CTNNA3: variants seen among roughly 807,000 people sequenced by gnomAD.
The protein encoded by CTNNA3 is catenin alpha-3.
In CTNNA3, 76 loss-of-function variants were observed where a neutral mutation model predicts 95.7. The ratio of observed to expected loss-of-function variants is 0.79; its 90% CI spans 0.66 to 0.96. The LOEUF is 0.96. Ranked by LOEUF, CTNNA3 falls within the 40% of genes least tolerant of loss-of-function variation. The pLI, the probability that CTNNA3 is intolerant of heterozygous loss-of-function variation, is 0.00. For synonymous variants in CTNNA3, 431 were observed against 374.4 expected (o/e 1.15, Z -1.74); for missense variants, 1,191 against 1,089.8 (o/e 1.09, Z -1.31).
intron 7 of CTNNA3, among the ~76,000 whole-genome samples, chr10:67,049,214 G>C (rs1174518919): frequency 3.3e-5 from 5 of 152,064 alleles, no homozygotes; most frequent in Admixed American, 3.3e-4. Flanking sequence ...GTAGAAACAG[G>C]AGGCAGGGTC....
At chr10:67,435,353 G>A (rs1305034625) in intron 5 of CTNNA3, among the ~76,000 whole-genome samples, 2 of 151,840 alleles carry the variant, frequency 1.3e-5, no homozygotes, top group African/African-American at 4.8e-5. Context: ...AAAGCCATCT[G>A]TGACAAACCC....
At chr10:66,222,622 A>AAG (rs1554895442) in intron 13 of CTNNA3, among the ~76,000 whole-genome samples, 101 of 65,274 alleles carry the variant, frequency 1.5e-3, no homozygotes, top group Middle Eastern at 7.6e-3. Flanking sequence ...GAAAGAAAGA[A>AAG]AAAGAAAGAA....
At chr10:66,836,605 T>C (rs910142699) in intron 7 of CTNNA3, among the ~76,000 whole-genome samples, 2 of 152,096 alleles carry the variant, frequency 1.3e-5, no homozygotes, top group Admixed American at 1.3e-4. Context: ...AAGTAAAATA[T>C]AAGTGATTCC....
At chr10:67,238,508 A>G (rs1476494980) in intron 5 of CTNNA3, among the ~76,000 whole-genome samples, 2 of 152,196 alleles carry the variant, frequency 1.3e-5, no homozygotes, top group African/African-American at 4.8e-5. Context: ...CTACAGAGTT[A>G]GAATCTAAAC....
chr10:67,477,716 A>C (rs556786072), intron 5 of CTNNA3, among the ~76,000 whole-genome samples: 2 of 152,342 alleles, frequency 1.3e-5, no homozygotes, highest in Admixed American at 6.5e-5. Context: ...AATTACAAAA[A>C]TTAGAAGTAC....
intron 12 of CTNNA3, among the ~76,000 whole-genome samples, chr10:66,335,271 G>A (rs1317245565): frequency 6.6e-6 from 1 of 152,104 alleles, no homozygotes; most frequent in Non-Finnish European, 1.5e-5. Context: ...CATTGCTGGT[G>A]AGGAGCTGCA....
intron 7 of CTNNA3, among the ~76,000 whole-genome samples, chr10:66,850,052 T>C (rs1311886142): frequency 1.3e-5 from 2 of 152,134 alleles, no homozygotes; most frequent in East Asian, 1.9e-4. Flanking sequence ...TTACACATGA[T>C]CCGCATTCCT....
intron 7 of CTNNA3, among the ~76,000 whole-genome samples, chr10:67,100,241 A>G (rs1291593620): frequency 3.3e-5 from 5 of 151,720 alleles, no homozygotes; most frequent in Non-Finnish European, 7.4e-5. Context: ...GAACGACTAT[A>G]AATAGAAGCA....
At chr10:66,492,285 C>T (rs1405558765) in intron 11 of CTNNA3, among the ~76,000 whole-genome samples, 1 of 151,876 alleles carries the variant, frequency 6.6e-6, no homozygotes, top group Non-Finnish European at 1.5e-5. Context: ...CTTCTTTATG[C>T]TTTTTGTTTT....
intron 7 of CTNNA3, among the ~76,000 whole-genome samples, chr10:66,861,319 G>A (rs10997424): frequency 0.28 from 42,551 of 152,026 alleles, 6,758 homozygotes; most frequent in East Asian, 0.54. Context: ...GAGTTTGCAC[G>A]TTCTGCCCAT....
rs1204082634 is a variant in CTNNA3 at position 65,919,238 on chromosome 10, G to A, written c.*1092C>T. On this transcript the variant is annotated 3_prime_UTR_variant, in exon 18 of 18. Transcript: ENST00000433211. The stretch of plus-strand genomic sequence containing the variant: ...ATGAAGTCCATTATGAACTCAACTA[G>A]GAATGAACACAGTGACTGGAGTTGT... 6.6e-6 allele frequency: 1 copy of A among 152,032 alleles called. No homozygotes were observed. The highest frequency in any genetic ancestry group is 1.5e-5 in the Non-Finnish European group (1 of 68,008). The allele number at this position is 152,032 out of a possible 1,614,324, so 9.4% of individuals were successfully genotyped here. A position where few individuals can be genotyped will look rare whatever the true frequency, so the allele number is the denominator to read the frequency against.
intron 12 of CTNNA3, among the ~76,000 whole-genome samples, chr10:66,360,443 A>G (rs934990919): frequency 1.3e-5 from 2 of 152,154 alleles, no homozygotes; most frequent in African/African-American, 4.8e-5. Flanking sequence ...AAAACCCAGG[A>G]TGTATTTGAA....
At chr10:67,038,128 C>G (rs968189755) in intron 7 of CTNNA3, among the ~76,000 whole-genome samples, 1 of 152,028 alleles carries the variant, frequency 6.6e-6, no homozygotes, top group Non-Finnish European at 1.5e-5. Context: ...TATTGTAGAG[C>G]AAGCATTTCA....
chr10:66,949,790 C>G (rs973989322), intron 7 of CTNNA3, among the ~76,000 whole-genome samples: 7 of 151,916 alleles, frequency 4.6e-5, no homozygotes, highest in African/African-American at 1.7e-4. Flanking sequence ...CTTGTGTTCC[C>G]AATGCACACC....
rs376150294 is a variant in CTNNA3, at chr10:67,408,915, G to A, written c.579+112927C>T. Among the ~76,000 whole-genome samples the A allele has an allele frequency of 3.8e-4, 52 of 136,944 alleles. 1 individual carries two copies. The South Asian group carries it at 0.011, about 30-fold the overall frequency. The allele number at this position is 136,944 out of a possible 152,430, so 89.8% of individuals were successfully genotyped here. ...AAAAAAAAAAAGCCATTATAAAGTAGGCAAAGGACTGAACAGACACTTCTC... is the reference window on the plus strand; with the variant it reads ...AAAAAAAAAAAGCCATTATAAAGTAAGCAAAGGACTGAACAGACACTTCTC... On this transcript the variant is annotated intron_variant, in intron 5 of 17. Coordinates refer to ENST00000433211, the MANE Select transcript of CTNNA3 (RefSeq NM_013266.4).
chr10:65,939,335 A>G (rs2133171629), intron 17 of CTNNA3, among the ~76,000 whole-genome samples: 1 of 152,314 alleles, frequency 6.6e-6, no homozygotes, highest in African/African-American at 2.4e-5. Context: ...GTTGGACTGA[A>G]TGACTTATAA....
chr10:66,765,499 T>G (rs1053342200), intron 9 of CTNNA3, among the ~76,000 whole-genome samples: 1 of 152,196 alleles, frequency 6.6e-6, no homozygotes, highest in Non-Finnish European at 1.5e-5. Context: ...CTGAGATCTA[T>G]GGATCTAGTA....
intron 9 of CTNNA3, among the ~76,000 whole-genome samples, chr10:66,718,570 T>A (rs1848527049): frequency 6.6e-6 from 1 of 151,410 alleles, no homozygotes; most frequent in Non-Finnish European, 1.5e-5. Context: ...TACATGTTTG[T>A]ATATGTAGTA....
At chr10:66,704,407 T>G (rs899522680) in intron 9 of CTNNA3, among the ~76,000 whole-genome samples, 2 of 152,174 alleles carry the variant, frequency 1.3e-5, no homozygotes, top group African/African-American at 4.8e-5. Context: ...TTTTAATATT[T>G]TTAATAATCT....
Sources: allele counts gnomAD v4.1 joint callset (sites outside exome capture counted in the v4.1 genomes callset), GRCh38; gene constraint gnomAD v4.1.1; transcripts MANE v1.5; gene names NCBI Gene and HGNC (gene_info 2026-07-23, HGNC 2026-07-21).